ASB18: variants seen among roughly 807,000 people sequenced by gnomAD.
The protein encoded by ASB18 is ankyrin repeat and SOCS box containing 18, also known as ankyrin repeat and SOCS box protein 18.
A neutral mutation model predicts 33.4 loss-of-function variants in ASB18; 33 were observed. The ratio of observed to expected loss-of-function variants is 0.99; its 90% confidence interval spans 0.75 to 1.32. The LOEUF is 1.32. ASB18 is among the 40% of genes most tolerant of loss of function. The pLI, the probability that ASB18 is intolerant of heterozygous loss-of-function variation, is 0.00. For missense variants in ASB18, 694 were observed against 655.5 expected (o/e 1.06, Z -0.64); for synonymous variants, 295 against 307.6 (o/e 0.96, Z 0.43).
intron 3 of ASB18, among the ~76,000 whole-genome samples, chr2:236,218,586 C>A (rs2060498293): frequency 6.6e-6 from 1 of 152,026 alleles, no homozygotes; most frequent in Non-Finnish European, 1.5e-5. Flanking sequence ...ATTGCGAGGT[C>A]AGGAGATAGA....
chr2:236,256,429 TG>T lies in ASB18; in HGVS notation c.205+7711del, dbSNP rs2060692370. On this transcript the variant is annotated intron_variant, in intron 1 of 5. Transcript: ENST00000409749. This position sits in a 1 kb window ranked among gnomAD's most constrained non-coding sequence, Gnocchi z 4.7. ...TGCAGAGGTTGGCATTAAAAGATAG[TG>T]GGGCATTGGATGGGAAGCTAGAATC... is the stretch of plus-strand genomic sequence containing the variant. Among the ~76,000 whole-genome samples the T allele has an allele frequency of 6.6e-6, 1 of 152,146 alleles. No individual in the cohort carries two copies. Among genetic ancestry groups the T allele is most frequent in the Non-Finnish European group, 1.5e-5 (1 of 68,032 alleles).
chr2:236,206,194 T>G (rs2060431987), intron 4 of ASB18, among the ~76,000 whole-genome samples: 1 of 151,946 alleles, frequency 6.6e-6, no homozygotes. Context: ...TCTTGGGTTT[T>G]TTTTTTTTTT....
chr2:236,246,214 G>A (rs1016491923), intron 1 of ASB18, among the ~76,000 whole-genome samples: 3 of 151,950 alleles, frequency 2.0e-5, no homozygotes, highest in Non-Finnish European at 2.9e-5. Context: ...TTAGCCTGGT[G>A]TGGTGGCACA....
rs11410730 is a variant in ASB18 at position 236,262,886 on chromosome 2, G to GA, written c.205+1254_205+1255insT. On this transcript the variant is annotated intron_variant, in intron 1 of 5. Transcript: ENST00000409749. This position sits in a 1 kb window ranked among gnomAD's most constrained non-coding sequence, Gnocchi z 5.2. ...CCCAGAAAGTAGACCCAAACCAAGGGGGGGGGGCGGACCCCCTCGGAAGTT... is the reference window on the plus strand; with the variant it reads ...CCCAGAAAGTAGACCCAAACCAAGGGAGGGGGGGCGGACCCCCTCGGAAGTT... 0.82 allele frequency among the ~76,000 whole-genome samples: 125,004 copies of GA among 152,070 alleles called. 51,505 individuals carry two copies. The highest frequency in any genetic ancestry group is 0.91 in the Middle Eastern group (268 of 294).
rs2060377122 is a variant in ASB18, at chr2:236,196,980, T to C, written c.1102-595A>G. On this transcript the variant is annotated intron_variant, in intron 4 of 5. Coordinates refer to ENST00000409749, the MANE Select transcript of ASB18 (RefSeq NM_212556.4). This position sits in a 1 kb window ranked among gnomAD's most constrained non-coding sequence, Gnocchi z 5.6. The stretch of plus-strand genomic sequence containing the variant: ...CATAAAGATGGGAACACTATTTGCT[T>C]TTAAAAAATAAACTTTTTTTTGTTA... Among the ~76,000 whole-genome samples the C allele has an allele frequency of 6.6e-6, 1 of 152,210 alleles. No individual in the cohort carries two copies. Among genetic ancestry groups the C allele is most frequent in the African/African-American group, 2.4e-5 (1 of 41,444 alleles).
chr2:236,200,060 G>A lies in ASB18; in HGVS notation c.1102-3675C>T, dbSNP rs2106262729. 6.6e-6 allele frequency among the ~76,000 whole-genome samples: 1 copy of A among 152,150 alleles called. No individual in the cohort carries two copies. The highest frequency in any genetic ancestry group is 1.5e-5 in the Non-Finnish European group (1 of 67,994). On this transcript the variant is annotated intron_variant, in intron 4 of 5. Coordinates refer to ENST00000409749, the MANE Select transcript of ASB18 (RefSeq NM_212556.4). The surrounding 1 kb of genome is among the most constrained non-coding windows in gnomAD (Gnocchi z 4.2). ...AGTCAAGGTCCATTAGAAAAGAGAT[G>A]GAGAAGCCAGGCACGGTGGCTCACT...
chr2:236,264,377 C>T lies in ASB18; in HGVS notation c.-32G>A. 1 of 1,576,992 alleles carries T rather than the reference C, an allele frequency of 6.3e-7. No individual in the cohort carries two copies. Among genetic ancestry groups the T allele is most frequent in the South Asian group, 1.1e-5 (1 of 90,116 alleles). On this transcript the variant is annotated 5_prime_UTR_variant, in exon 1 of 6. Transcript: ENST00000409749. The surrounding 1 kb of genome is among the most constrained non-coding windows in gnomAD (Gnocchi z 5.1). ...GTCGTTTCTGCAGTGACCAGCCCTT[C>T]TTTTCTTCCTCTAAAGCGACTCCAA... is the stretch of plus-strand genomic sequence containing the variant.
At position 236,262,625 on chromosome 2, in the gene ASB18, A is replaced by G. The variant is rs967492649; in HGVS notation, c.205+1516T>C. On this transcript the variant is annotated intron_variant, in intron 1 of 5. Transcript: ENST00000409749. This position sits in a 1 kb window ranked among gnomAD's most constrained non-coding sequence, Gnocchi z 5.2. ...GGGGGTGCTTGGGCACGGTGGGCCT[A>G]AAGGGTGAATGCAAGATGTACAGCT... Among the ~76,000 whole-genome samples the G allele has an allele frequency of 1.3e-5, 2 of 152,156 alleles. No individual in the cohort carries two copies. Among genetic ancestry groups the G allele is most frequent in the African/African-American group, 4.8e-5 (2 of 41,444 alleles).
At position 236,223,565 on chromosome 2, in the gene ASB18, C is replaced by T. The variant is rs73115970; in HGVS notation, c.597-8699G>A. ...TACAATAACTTCTGTGAGGTACACACGCAGAAATGCACAGGTCTTAAGAGC... is the reference window on the plus strand; with the variant it reads ...TACAATAACTTCTGTGAGGTACACATGCAGAAATGCACAGGTCTTAAGAGC... On this transcript the variant is annotated intron_variant, in intron 3 of 5. Transcript: ENST00000409749. This position sits in a 1 kb window ranked among gnomAD's most constrained non-coding sequence, Gnocchi z 4.6. Among the ~76,000 whole-genome samples, 6,957 of 152,190 alleles carry T rather than the reference C, an allele frequency of 0.046. 307 individuals are homozygous for T. Among genetic ancestry groups the T allele is most frequent in the African/African-American group, 0.12 (4,909 of 41,498 alleles).
At position 236,238,217 on chromosome 2, in the gene ASB18, C is replaced by T. The variant is rs990341078; in HGVS notation, c.329-261G>A. On this transcript the variant is annotated intron_variant, in intron 2 of 5. Coordinates refer to ENST00000409749, the MANE Select transcript of ASB18 (RefSeq NM_212556.4). This position sits in a 1 kb window ranked among gnomAD's most constrained non-coding sequence, Gnocchi z 5.2. ...AAACCGAGCTAGAGAGATGGGGCGC[C>T]GGGTATTGAGAAGCAAGAGGATTTT... Among the ~76,000 whole-genome samples the T allele has an allele frequency of 6.6e-6, 1 of 151,224 alleles. No individual in the cohort carries two copies. Among genetic ancestry groups the T allele is most frequent in the Non-Finnish European group, 1.5e-5 (1 of 67,972 alleles).
rs2060634505 is a variant in ASB18, at chr2:236,244,289, C to T, written c.206-2887G>A. On this transcript the variant is annotated intron_variant, in intron 1 of 5. Coordinates refer to ENST00000409749, the MANE Select transcript of ASB18 (RefSeq NM_212556.4). This position sits in a 1 kb window ranked among gnomAD's most constrained non-coding sequence, Gnocchi z 6.1. ...AGGTGAAAGGGTCAGGAGGGCTTTG[C>T]CTGGATGAGCAGAGAGAAGAGCAGT... is the stretch of plus-strand genomic sequence containing the variant. 1.3e-5 allele frequency among the ~76,000 whole-genome samples: 2 copies of T among 152,170 alleles called. No individual in the cohort carries two copies. The highest frequency in any genetic ancestry group is 2.9e-5 in the Non-Finnish European group (2 of 68,034).
intron 4 of ASB18, chr2:236,210,559 T>C (rs2060454853): frequency 6.6e-6 from 1 of 152,206 alleles, no homozygotes; most frequent in South Asian, 2.1e-4. Context: ...CTGAACTCTT[T>C]ACAGTCACCT....
chr2:236,214,214 C>T lies in ASB18; in HGVS notation c.1101+148G>A, dbSNP rs1194505897. 4.8e-6 allele frequency: 4 copies of T among 830,742 alleles called. No homozygotes were observed. The highest frequency in any genetic ancestry group is 3.1e-5 in the East Asian group (1 of 32,610). The allele number at this position is 830,742 out of a possible 1,614,324, so 51.5% of individuals were successfully genotyped here. A position where few individuals can be genotyped will look rare whatever the true frequency, so the allele number is the denominator to read the frequency against. On this transcript the variant is annotated intron_variant, in intron 4 of 5. Transcript: ENST00000409749. This position sits in a 1 kb window ranked among gnomAD's most constrained non-coding sequence, Gnocchi z 6.5. ...CAATGCAGGCTCTCCCACCCCAGAC[C>T]GGCAGAGCAGATTCTGCATTTTCAC... is the stretch of plus-strand genomic sequence containing the variant.
At chr2:236,210,299 C>T (rs559503207) in intron 4 of ASB18, 2 of 152,380 alleles carry the variant, frequency 1.3e-5, no homozygotes, top group African/African-American at 2.4e-5. Flanking sequence ...TCCTTCATTA[C>T]TGGTGTTGTC....
rs2106275342 is a variant in ASB18, at chr2:236,229,769, A to C, written c.596+7920T>G. 6.6e-6 allele frequency among the ~76,000 whole-genome samples: 1 copy of C among 152,256 alleles called. No individual in the cohort carries two copies. Among genetic ancestry groups the C allele is most frequent in the South Asian group, 2.1e-4 (1 of 4,822 alleles). ...GGCAGGAGAATCATGTGAATCCGGG[A>C]AGCAGAGGTTGCAGTGAGCTGAGAT... On this transcript the variant is annotated intron_variant, in intron 3 of 5. Transcript: ENST00000409749. This position sits in a 1 kb window ranked among gnomAD's most constrained non-coding sequence, Gnocchi z 5.2.
At position 236,229,117 on chromosome 2, in the gene ASB18, T is replaced by C. The variant is rs1288521776; in HGVS notation, c.596+8572A>G. ...AATGACACAGAAATGACATAGGTGA[T>C]AGAATTAGTAGGCAGGGCCATTAAA... On this transcript the variant is annotated intron_variant, in intron 3 of 5. Transcript: ENST00000409749. This position sits in a 1 kb window ranked among gnomAD's most constrained non-coding sequence, Gnocchi z 5.2. Among the ~76,000 whole-genome samples, 1 of 152,116 alleles carries C rather than the reference T, an allele frequency of 6.6e-6. No individual in the cohort carries two copies. Among genetic ancestry groups the C allele is most frequent in the Non-Finnish European group, 1.5e-5 (1 of 68,016 alleles).
At position 236,256,043 on chromosome 2, in the gene ASB18, TG is replaced by T. The variant is rs2060690401; in HGVS notation, c.205+8097del. On this transcript the variant is annotated intron_variant, in intron 1 of 5. Transcript: ENST00000409749. The surrounding 1 kb of genome is among the most constrained non-coding windows in gnomAD (Gnocchi z 4.7). ...TATTTTTAATTTCTATGTATTCATT[TG>T]TTTTTTGGAGACCGGCTCTCACTGT... is the stretch of plus-strand genomic sequence containing the variant. Among the ~76,000 whole-genome samples the T allele has an allele frequency of 6.6e-6, 1 of 152,238 alleles. No individual in the cohort carries two copies. The highest frequency in any genetic ancestry group is 2.1e-4 in the South Asian group (1 of 4,830).
rs1320328376 is a variant in ASB18 at position 236,226,705 on chromosome 2, G to C, written c.596+10984C>G. Among the ~76,000 whole-genome samples the C allele has an allele frequency of 6.6e-6, 1 of 152,178 alleles. No homozygotes were observed. The highest frequency in any genetic ancestry group is 1.5e-5 in the Non-Finnish European group (1 of 68,030). ...GTGTTGCAATGATTCACAGCATTTTGTGTTTATTTTGTGCTATGATTGGGT... is the reference window on the plus strand; with the variant it reads ...GTGTTGCAATGATTCACAGCATTTTCTGTTTATTTTGTGCTATGATTGGGT... On this transcript the variant is annotated intron_variant, in intron 3 of 5. Transcript: ENST00000409749. This position sits in a 1 kb window ranked among gnomAD's most constrained non-coding sequence, Gnocchi z 4.8.
rs1297520016 is a variant in ASB18, at chr2:236,208,223, G to C, written c.1101+6139C>G. Among the ~76,000 whole-genome samples, 1 of 152,068 alleles carries C rather than the reference G, an allele frequency of 6.6e-6. No individual in the cohort carries two copies. The highest frequency in any genetic ancestry group is 1.9e-4 in the East Asian group (1 of 5,162). On this transcript the variant is annotated intron_variant, in intron 4 of 5. Transcript: ENST00000409749. The surrounding 1 kb of genome is among the most constrained non-coding windows in gnomAD (Gnocchi z 7.7). Reference sequence around the variant, plus strand: ...GAGGGAGTGCCTGGCAGGAGGCCTGGGGCCAGCACGGTCTTCCCAGCCCAT... The same window carrying C: ...GAGGGAGTGCCTGGCAGGAGGCCTGCGGCCAGCACGGTCTTCCCAGCCCAT...
Sources: allele counts gnomAD v4.1 joint callset (sites outside exome capture counted in the v4.1 genomes callset), GRCh38; gene constraint gnomAD v4.1.1; non-coding constraint Gnocchi (gnomAD v3.1); transcripts MANE v1.5; gene names NCBI Gene and HGNC (gene_info 2026-07-23, HGNC 2026-07-21).